ANKRD50: variants seen among roughly 807,000 people sequenced by gnomAD.
The protein encoded by ANKRD50 is ankyrin repeat domain-containing protein 50.
ANKRD50 carries 40 observed loss-of-function variants against 112.0 expected under a neutral mutation model. That is an observed-to-expected ratio of 0.36 (90% CI 0.28 to 0.46). The LOEUF (loss-of-function observed/expected upper bound fraction) is 0.46. Ranked by LOEUF, ANKRD50 falls within the 20% of genes least tolerant of loss-of-function variation. The pLI is 1.00. For missense variants in ANKRD50, 1,487 were observed against 1,701.7 expected, an observed-to-expected ratio of 0.87 and a Z score of 2.22; for synonymous variants, 613 against 619.1, an observed-to-expected ratio of 0.99 and a Z score of 0.15.
Position 124,710,439 on chromosome 4 carries a change from A to G in ANKRD50, c.73T>C (p.Cys25Arg), listed in dbSNP as rs1725603847. 6.2e-7 allele frequency: 1 copy of G among 1,614,036 alleles called. No individual in the cohort carries two copies. The highest frequency in any genetic ancestry group is 8.5e-7 in the Non-Finnish European group (1 of 1,180,032). Residue 25 changes from cysteine to arginine, a missense_variant, in exon 2 of 5, where the codon TGT becomes CGT. Transcript: ENST00000504087. ...AGCTTGTGGAAAACCCACTCCCTAC[A>G]GTAAAACTGCTTCCCTTGCAGTAAA... is the stretch of plus-strand genomic sequence containing the variant. ...TSLLQGKQFY[C>R]REWVFHKLQH...
chr4:124,677,843 C>T (rs537101440), intron 3 of ANKRD50, among the ~76,000 whole-genome samples: 12 of 151,906 alleles, frequency 7.9e-5, no homozygotes, highest in Admixed American at 5.2e-4. Flanking sequence ...AAGAAAGGAA[C>T]GGTGACACAG....
At chr4:124,708,707 CACACACACACACAT>C (rs1302551344) in intron 2 of ANKRD50, among the ~76,000 whole-genome samples, 3 of 151,306 alleles carry the variant, frequency 2.0e-5, no homozygotes, top group Admixed American at 6.6e-5. Context: ...CACACACACA[CACACACACACACAT>C]ACACACACAC....
At chr4:124,684,061 G>C (rs555168895) in intron 2 of ANKRD50, among the ~76,000 whole-genome samples, 1 of 152,048 alleles carries the variant, frequency 6.6e-6, no homozygotes, top group East Asian at 1.9e-4. Context: ...TCTGCTTCAT[G>C]CAACTGTTTA....
chr4:124,670,786 G>T lies in ANKRD50; in HGVS notation c.2491C>A (p.Arg831Ser). The T allele has an allele frequency of 6.2e-7, 1 of 1,613,804 alleles. No homozygotes were observed. The highest frequency in any genetic ancestry group is 8.5e-7 in the Non-Finnish European group (1 of 1,179,868). Residue 831 changes from arginine (R) to serine (S), a missense_variant, in exon 4 of 5, where the codon CGT (arginine) becomes AGT (serine). By Grantham distance (110) the Arg-to-Ser change is moderately radical (BLOSUM62 -1). Around this residue, in one of 2 missense-constraint regions of ANKRD50, gnomAD observed 1,046 missense variants for 1,269.5 expected, o/e 0.82. Coordinates refer to ENST00000504087, the MANE Select transcript of ANKRD50 (RefSeq NM_020337.3). The stretch of plus-strand genomic sequence containing the variant: ...TCTAACCCTCTATCCAGTAGAGTAC[G>T]TACCACCTCAACATTTCCTTGTGCT... ...ASAQGNVEVV[R>S]TLLDRGLDEN... is the part of the protein sequence containing the mutation.
intron 2 of ANKRD50, among the ~76,000 whole-genome samples, chr4:124,707,701 G>A (rs1459740044): frequency 6.6e-6 from 1 of 152,112 alleles, no homozygotes; most frequent in East Asian, 1.9e-4. Flanking sequence ...TTATTAAAGT[G>A]TAAACTGGGA....
chr4:124,711,540 G>C (rs1051482615), intron 1 of ANKRD50, among the ~76,000 whole-genome samples: 4 of 152,046 alleles, frequency 2.6e-5, no homozygotes, highest in African/African-American at 9.7e-5. Context: ...TAGCAAAGGA[G>C]GGGGGGAGAA....
At position 124,705,901 on chromosome 4, in the gene ANKRD50, G is replaced by A. The variant is rs116014581; in HGVS notation, c.512+4099C>T. ...AAGTAAAAATATAAACATCAACTTA[G>A]TTTCAGAAATGAGGAAATAAAATAT... On this transcript the variant is annotated intron_variant, in intron 2 of 4. Coordinates refer to ENST00000504087, the MANE Select transcript of ANKRD50 (RefSeq NM_020337.3). 5.2e-3 allele frequency among the ~76,000 whole-genome samples: 793 copies of A among 152,088 alleles called. 5 individuals carry two copies. Among genetic ancestry groups the A allele is most frequent in the African/African-American group, 0.018 (757 of 41,494 alleles).
At position 124,693,526 on chromosome 4, in the gene ANKRD50, A is replaced by G. The variant is rs148524632; in HGVS notation, c.513-14621T>C. Among the ~76,000 whole-genome samples the G allele has an allele frequency of 1.2e-4, 18 of 152,292 alleles. 1 individual carries two copies. The highest frequency in any genetic ancestry group is 2.9e-4 in the African/African-American group (12 of 41,588). On this transcript the variant is annotated intron_variant, in intron 2 of 4. Coordinates refer to ENST00000504087, the MANE Select transcript of ANKRD50 (RefSeq NM_020337.3). ...CGATGTATCAGAATACTTTTTATGT[A>G]TATCTGAAGCCTGCTCTCACAAGTT...
chr4:124,685,412 G>A (rs949806095), intron 2 of ANKRD50, among the ~76,000 whole-genome samples: 1 of 152,068 alleles, frequency 6.6e-6, no homozygotes, highest in African/African-American at 2.4e-5. Flanking sequence ...CACCTATTTG[G>A]GGATGTCTAC....
chr4:124,674,189 C>T (rs1730720907), intron 3 of ANKRD50, among the ~76,000 whole-genome samples: 1 of 151,822 alleles, frequency 6.6e-6, no homozygotes, highest in South Asian at 2.1e-4. Flanking sequence ...TATTATTTTA[C>T]ATTATATAGT....
Position 124,712,513 on chromosome 4 carries a change from C to CA in ANKRD50, c.-820dup, listed in dbSNP as rs1725661066. 1 of 153,432 alleles carries CA rather than the reference C, an allele frequency of 6.5e-6. No individual in the cohort carries two copies. Among genetic ancestry groups the CA allele is most frequent in the Non-Finnish European group, 1.5e-5 (1 of 68,496 alleles). The allele number at this position is 153,432 out of a possible 1,614,324, so 9.5% of individuals were successfully genotyped here. On this transcript the variant is annotated 5_prime_UTR_variant, in exon 1 of 5. Transcript: ENST00000504087. ...TGCCGCTGTTAGGGACTCTCAGTCT[C>CA]AGACACTTGCTTCGCTGAGAAGTCG...
At position 124,668,877 on chromosome 4, in the gene ANKRD50, G is replaced by C. The variant is rs546649223; in HGVS notation, c.*3+107C>G. On this transcript the variant is annotated intron_variant, in intron 4 of 4. Transcript: ENST00000504087. ...GGCAGGTCTGGCCCAGATGACATCT[G>C]AGTAGAGATTAACTGAGGGAATTGG... 5 of 1,030,812 alleles carry C rather than the reference G, an allele frequency of 4.9e-6. No homozygotes were observed. In the African/African-American group the frequency reaches 8.1e-5, roughly 17 times the overall value. The allele number at this position is 1,030,812 out of a possible 1,614,324, so 63.9% of individuals were successfully genotyped here.
intron 2 of ANKRD50, among the ~76,000 whole-genome samples, chr4:124,690,866 A>G (rs1417230938): frequency 6.6e-6 from 1 of 152,222 alleles, no homozygotes; most frequent in Non-Finnish European, 1.5e-5. Flanking sequence ...GAACGAATCA[A>G]TTGTGGCTCA....
At chr4:124,700,768 C>G (rs1725371215) in intron 2 of ANKRD50, among the ~76,000 whole-genome samples, 1 of 152,128 alleles carries the variant, frequency 6.6e-6, no homozygotes, top group African/African-American at 2.4e-5. Flanking sequence ...TGTAGGGTTG[C>G]AGGTTGGGTC....
rs745794223 is a variant in ANKRD50 at position 124,669,278 on chromosome 4, A to G, written c.3999T>C (p.Pro1333=). 4 of 1,613,802 alleles carry G rather than the reference A, an allele frequency of 2.5e-6. No homozygotes were observed. In the South Asian group the frequency reaches 4.4e-5, roughly 18 times the overall value. The part of the protein sequence containing the change: ...PAESQCKIMI[P]SAQQEIGRSQ... Reference sequence around the variant, plus strand: ...ATCGACCAATTTCCTGCTGAGCTGAAGGTATCATAATTTTGCATTGAGATT... The same window carrying G: ...ATCGACCAATTTCCTGCTGAGCTGAGGGTATCATAATTTTGCATTGAGATT... The change falls in exon 4 of 5, where the codon CCT becomes CCC. Residue 1333 remains proline, a synonymous_variant. Transcript: ENST00000504087.
At chr4:124,676,221 A>T (rs1390837500) in intron 3 of ANKRD50, among the ~76,000 whole-genome samples, 1 of 151,764 alleles carries the variant, frequency 6.6e-6, no homozygotes, top group Non-Finnish European at 1.5e-5. Context: ...TATTTTAAAC[A>T]GCAAATTCTT....
At chr4:124,700,846 G>T (rs1002810929) in intron 2 of ANKRD50, among the ~76,000 whole-genome samples, 1 of 152,128 alleles carries the variant, frequency 6.6e-6, no homozygotes, top group African/African-American at 2.4e-5. Context: ...CCTTCTCATT[G>T]TGGTGGCAGA....
chr4:124,672,653 G>T, intron 3 of ANKRD50, 119 bp from the exon 4 acceptor site: 1 of 707,208 alleles, frequency 1.4e-6, no homozygotes. Flanking sequence ...ATACTAATAA[G>T]CAGATCAATT....
At position 124,671,357 on chromosome 4, in the gene ANKRD50, T is replaced by C. The variant is rs1485175113; in HGVS notation, c.1920A>G (p.Ala640=). ...LLYAGVKVDC[A]DADSRTALRA... ...TCAAAGCTGTTCGGCTATCAGCATCTGCACAATCCACTTTTACGCCAGCAT... is the reference window on the plus strand; with the variant it reads ...TCAAAGCTGTTCGGCTATCAGCATCCGCACAATCCACTTTTACGCCAGCAT... Residue 640 remains alanine, a synonymous_variant, in exon 4 of 5, where the codon GCA becomes GCG. Transcript: ENST00000504087. The C allele has an allele frequency of 1.2e-6, 2 of 1,613,882 alleles. No individual in the cohort carries two copies. Among genetic ancestry groups the C allele is most frequent in the Non-Finnish European group, 1.7e-6 (2 of 1,179,864 alleles).
Sources: allele counts gnomAD v4.1 joint callset (sites outside exome capture counted in the v4.1 genomes callset), GRCh38; gene constraint gnomAD v4.1.1; regional missense constraint gnomAD v4.1.1; transcripts MANE v1.5; gene names NCBI Gene and HGNC (gene_info 2026-07-23, HGNC 2026-07-21).